Variants in FARP1 observed in about 807,000 individuals in gnomAD.
FARP1 encodes the protein FERM, ARHGEF and pleckstrin domain-containing protein 1.
FARP1 carries 52 observed loss-of-function variants against 128.8 expected under a neutral mutation model. The ratio of observed to expected loss-of-function variants is 0.40; its 90% CI spans 0.32 to 0.51. FARP1 has a LOEUF of 0.51. FARP1 is among the 20% of genes least tolerant of loss of function. FARP1 has a pLI of 0.45. For synonymous variants in FARP1, 580 were observed against 551.8 expected (o/e 1.05, Z -0.72); for missense variants, 1,333 against 1,367.9 (o/e 0.97, Z 0.40).
chr13:98,222,330 A>G (rs1242958118), intron 2 of FARP1, among the ~76,000 whole-genome samples: 2 of 152,174 alleles, frequency 1.3e-5, no homozygotes, highest in African/African-American at 4.8e-5. Context: ...CCTCTGAAAA[A>G]TCCCTTGCTG....
intron 1 of FARP1, among the ~76,000 whole-genome samples, chr13:98,151,040 A>C (rs138919612): frequency 8.8e-6 from 1 of 113,284 alleles, no homozygotes; most frequent in East Asian, 2.9e-4. Flanking sequence ...CCACAGTCTG[A>C]ATAAACAATT....
intron 1 of FARP1, among the ~76,000 whole-genome samples, chr13:98,152,812 T>C (rs1019554264): frequency 2.6e-5 from 4 of 152,234 alleles, no homozygotes; most frequent in African/African-American, 9.6e-5. Flanking sequence ...AGATGATCTC[T>C]TTATAAGGAC....
chr13:98,179,453 T>C (rs980295631), intron 1 of FARP1, among the ~76,000 whole-genome samples: 3 of 152,040 alleles, frequency 2.0e-5, no homozygotes, highest in African/African-American at 7.2e-5. Flanking sequence ...GGTTCTCGAG[T>C]TTCTACAGAG....
In FARP1 at chr13:98,357,581, T is replaced by A. The variant is rs114397411; in HGVS notation, c.277-7814T>A. Among the ~76,000 whole-genome samples the A allele has an allele frequency of 3.5e-3, 441 of 127,270 alleles. 3 individuals are homozygous for A. The highest frequency in any genetic ancestry group is 0.011 in the African/African-American group (427 of 39,080). The allele number at this position is 127,270 out of a possible 152,430, so 83.5% of individuals were successfully genotyped here. Reference sequence around the variant, plus strand: ...ATATCTCACAGTATAGTTTTCACTGTAGAAGTTTAGCTTGGATCTTTTTTT... The same window carrying A: ...ATATCTCACAGTATAGTTTTCACTGAAGAAGTTTAGCTTGGATCTTTTTTT... On this transcript the variant is annotated intron_variant, in intron 3 of 26. Coordinates refer to ENST00000319562, the MANE Select transcript of FARP1 (RefSeq NM_005766.4).
intron 1 of FARP1, among the ~76,000 whole-genome samples, chr13:98,195,770 C>T (rs775128867): frequency 3.3e-5 from 5 of 152,134 alleles, no homozygotes; most frequent in Admixed American, 1.3e-4. Flanking sequence ...CTCACACTTG[C>T]AATCCCAGCA....
intron 17 of FARP1, among the ~76,000 whole-genome samples, chr13:98,427,027 G>A (rs1307386728): frequency 1.3e-5 from 2 of 151,972 alleles, no homozygotes; most frequent in Non-Finnish European, 2.9e-5. Context: ...GTGCTCGTGT[G>A]GAAACTGATG....
chr13:98,281,541 A>G (rs1884937912), intron 2 of FARP1, among the ~76,000 whole-genome samples: 1 of 152,158 alleles, frequency 6.6e-6, no homozygotes, highest in Admixed American at 6.5e-5. Context: ...ACTACAGTCC[A>G]CATTCACTCC....
chr13:98,239,980 G>A (rs543684509), intron 2 of FARP1, among the ~76,000 whole-genome samples: 9 of 152,302 alleles, frequency 5.9e-5, no homozygotes, highest in African/African-American at 9.6e-5. Context: ...TCCAGAGAGC[G>A]AGAGTGAAGT....
chr13:98,290,117 C>T (rs1047001361), intron 2 of FARP1, among the ~76,000 whole-genome samples: 1 of 150,912 alleles, frequency 6.6e-6, no homozygotes, highest in Non-Finnish European at 1.5e-5. Flanking sequence ...AAGGGCAGTC[C>T]GTCATCCCCA....
At chr13:98,333,349 A>AAG (rs1314941523) in intron 2 of FARP1, 1 of 151,728 alleles carries the variant, frequency 6.6e-6, no homozygotes, top group Non-Finnish European at 1.5e-5. Context: ...TAGCACTATG[A>AAG]AGAGCTGGAT....
intron 2 of FARP1, among the ~76,000 whole-genome samples, chr13:98,307,545 C>T (rs550072426): frequency 4.6e-5 from 7 of 152,214 alleles, no homozygotes; most frequent in Admixed American, 1.3e-4. Flanking sequence ...CTACAGGCCT[C>T]GAGTCTTTGA....
chr13:98,448,091 G>T (rs1300994091), intron 26 of FARP1, 145 bp from the exon 27 acceptor site: 3 of 692,548 alleles, frequency 4.3e-6, no homozygotes, highest in Non-Finnish European at 7.9e-6. Context: ...CCTGGGTGCT[G>T]GCTGTTCCCT....
At chr13:98,279,987 C>A (rs1329387954) in intron 2 of FARP1, among the ~76,000 whole-genome samples, 1 of 152,074 alleles carries the variant, frequency 6.6e-6, no homozygotes, top group African/African-American at 2.4e-5. Context: ...CTCCCTTGCT[C>A]CTGGCTCCTC....
intron 1 of FARP1, among the ~76,000 whole-genome samples, chr13:98,147,698 C>T (rs527422418): frequency 6.6e-6 from 1 of 151,974 alleles, no homozygotes; most frequent in South Asian, 2.1e-4. Flanking sequence ...TTGAAAAAAA[C>T]TCGAGGCTGG....
intron 2 of FARP1, among the ~76,000 whole-genome samples, chr13:98,318,068 CTTTTTTT>C (rs35762706): frequency 1.3e-4 from 14 of 104,174 alleles, no homozygotes; most frequent in African/African-American, 1.8e-4. Flanking sequence ...TCTCCTCCTC[CTTTTTTT>C]TTTTTTTTTT....
At chr13:98,439,264 C>A (rs538067050) in intron 21 of FARP1, 68 bp downstream of exon 21, 33 of 1,086,932 alleles carry the variant, frequency 3.0e-5, no homozygotes, top group Non-Finnish European at 4.2e-5. Context: ...GCTGCTGACC[C>A]GGCGATGAGG....
chr13:98,395,177 C>T, intron 12 of FARP1, 50 bp from the exon 13 acceptor site: 1 of 1,533,244 alleles, frequency 6.5e-7, no homozygotes. Context: ...CTTGGAATAA[C>T]AGTCTCCCTC....
intron 18 of FARP1, chr13:98,431,768 A>G (rs7331625): frequency 0.23 from 35,222 of 152,414 alleles, 4,529 homozygotes; most frequent in African/African-American, 0.35. Flanking sequence ...CCACATCTTG[A>G]TCTTTCCGTA....
chr13:98,268,855 T>C (rs1042631443), intron 2 of FARP1, among the ~76,000 whole-genome samples: 2 of 151,888 alleles, frequency 1.3e-5, no homozygotes, highest in African/African-American at 4.8e-5. Flanking sequence ...TACAGGTATG[T>C]GCCACCACGC....
Sources: allele counts gnomAD v4.1 joint callset (sites outside exome capture counted in the v4.1 genomes callset), GRCh38; gene constraint gnomAD v4.1.1; transcripts MANE v1.5; gene names NCBI Gene and HGNC (gene_info 2026-07-23, HGNC 2026-07-21).